The following CACNA2D1 variants were observed in gnomAD, a reference collection of about 807,000 sequenced individuals.
The protein encoded by CACNA2D1 is voltage-dependent calcium channel subunit alpha-2/delta-1.
A neutral mutation model predicts 171.5 loss-of-function variants in CACNA2D1; 53 were observed. The ratio of observed to expected loss-of-function variants is 0.31; its 90% CI spans 0.25 to 0.39. The LOEUF is 0.39. Ranked by LOEUF, CACNA2D1 falls within the 10% of genes least tolerant of loss-of-function variation. The pLI is 1.00. For missense variants in CACNA2D1, 903 were observed against 1,299.8 expected (o/e 0.69, Z 4.69); for synonymous variants, 442 against 443.1 (o/e 1.00, Z 0.03).
At chr7:82,385,703 C>T (rs1011107342) in intron 1 of CACNA2D1, among the ~76,000 whole-genome samples, 2 of 143,970 alleles carry the variant, frequency 1.4e-5, no homozygotes, top group African/African-American at 2.7e-5. Flanking sequence ...CTCTCTCTGT[C>T]GCCCAGGCTG....
At chr7:81,960,147 C>G (rs1793936890) in intron 36 of CACNA2D1, among the ~76,000 whole-genome samples, 1 of 151,938 alleles carries the variant, frequency 6.6e-6, no homozygotes, top group Non-Finnish European at 1.5e-5. Flanking sequence ...TTTACACATA[C>G]AAAGAATTGT....
At chr7:82,030,877 T>C (rs548722472) in intron 12 of CACNA2D1, among the ~76,000 whole-genome samples, 154 of 152,086 alleles carry the variant, frequency 1.0e-3, no homozygotes, top group African/African-American at 3.5e-3. Context: ...AAACTTTTGT[T>C]ATATTTGAGT....
intron 3 of CACNA2D1, among the ~76,000 whole-genome samples, chr7:82,233,130 A>T: frequency 6.6e-6 from 1 of 152,234 alleles, no homozygotes; most frequent in South Asian, 2.1e-4. Context: ...TATAAAGAAG[A>T]ATCACTTCAT....
chr7:82,212,175 T>C (rs76092181), intron 3 of CACNA2D1, among the ~76,000 whole-genome samples: 12,901 of 152,206 alleles, frequency 0.085, 730 homozygotes, highest in Non-Finnish European at 0.11. Context: ...ATCAACACTC[T>C]ATCATCTTGA....
intron 3 of CACNA2D1, among the ~76,000 whole-genome samples, chr7:82,290,579 T>TA (rs113699646): frequency 0.011 from 1,459 of 135,976 alleles, 23 homozygotes; most frequent in African/African-American, 0.035. Context: ...GGTCGTATAT[T>TA]AAAAAAAAAA....
chr7:82,029,986 C>T (rs1005803809), intron 12 of CACNA2D1: 3 of 151,768 alleles, frequency 2.0e-5, no homozygotes, highest in African/African-American at 7.3e-5. Context: ...AACACAGCAT[C>T]AGTATGTTAG....
intron 18 of CACNA2D1, among the ~76,000 whole-genome samples, chr7:82,003,907 G>A (rs985957677): frequency 6.6e-6 from 1 of 151,802 alleles, no homozygotes; most frequent in East Asian, 1.9e-4. Context: ...CACCACACCC[G>A]GCTAATTTTG....
intron 3 of CACNA2D1, among the ~76,000 whole-genome samples, chr7:82,216,291 C>T (rs976972623): frequency 1.3e-5 from 2 of 152,044 alleles, no homozygotes; most frequent in African/African-American, 2.4e-5. Flanking sequence ...AAATTAGAGC[C>T]CACCAAAACA....
At chr7:82,217,360 T>A (rs933956469) in intron 3 of CACNA2D1, among the ~76,000 whole-genome samples, 36 of 109,506 alleles carry the variant, frequency 3.3e-4, no homozygotes, top group Non-Finnish European at 4.3e-4. Flanking sequence ...AAAAAAAAAA[T>A]ATATATATAC....
intron 6 of CACNA2D1, among the ~76,000 whole-genome samples, chr7:82,098,078 C>T (rs1174169323): frequency 4.6e-5 from 7 of 151,862 alleles, no homozygotes; most frequent in Non-Finnish European, 8.8e-5. Flanking sequence ...TGCAATGAGC[C>T]GAGATTGCAC....
intron 3 of CACNA2D1, among the ~76,000 whole-genome samples, chr7:82,248,699 T>G (rs1563256630): frequency 6.6e-6 from 1 of 152,142 alleles, no homozygotes; most frequent in Non-Finnish European, 1.5e-5. Flanking sequence ...AACAGAGCAT[T>G]GATGCAGTAG....
chr7:81,957,057 A>T (rs1007597823), intron 38 of CACNA2D1, among the ~76,000 whole-genome samples: 2 of 152,164 alleles, frequency 1.3e-5, no homozygotes, highest in African/African-American at 2.4e-5. Flanking sequence ...TATTTAAGTC[A>T]GATTTATTTT....
intron 3 of CACNA2D1, among the ~76,000 whole-genome samples, chr7:82,177,832 G>T (rs1317627372): frequency 1.3e-5 from 2 of 152,038 alleles, no homozygotes; most frequent in Admixed American, 1.3e-4. Flanking sequence ...TGTGCTATAG[G>T]TTAGCAAGCC....
intron 5 of CACNA2D1, among the ~76,000 whole-genome samples, chr7:82,135,659 AT>A (rs1337157081): frequency 1.3e-5 from 2 of 152,106 alleles, no homozygotes; most frequent in Non-Finnish European, 2.9e-5. Context: ...TTATCAAGCC[AT>A]TATGTGTTTT....
chr7:82,312,008 G>C (rs1037023359), intron 3 of CACNA2D1, among the ~76,000 whole-genome samples: 1 of 152,056 alleles, frequency 6.6e-6, no homozygotes, highest in Non-Finnish European at 1.5e-5. Context: ...TGGTATTATA[G>C]ACACAGTCTT....
intron 5 of CACNA2D1, among the ~76,000 whole-genome samples, chr7:82,130,791 C>CTTTTTTT (rs71093363): frequency 5.7e-5 from 6 of 105,858 alleles, no homozygotes; most frequent in African/African-American, 8.1e-5. Context: ...TTGTTTTTGT[C>CTTTTTTT]TTTTTTTTTT....
At chr7:82,088,923 T>G (rs1002276776) in intron 6 of CACNA2D1, among the ~76,000 whole-genome samples, 3 of 151,842 alleles carry the variant, frequency 2.0e-5, no homozygotes, top group Non-Finnish European at 4.4e-5. Context: ...ATAAGGAGCA[T>G]GGAACCTAGA....
rs573960961 is a variant in CACNA2D1, at chr7:82,101,508, A to G, written c.526+15536T>C. ...AAGTAAAATTTCCAATATATTTTAAAGTATACTTTATTGATAAATTGAAAA... is the reference window on the plus strand; with the variant it reads ...AAGTAAAATTTCCAATATATTTTAAGGTATACTTTATTGATAAATTGAAAA... On this transcript the variant is annotated intron_variant, in intron 6 of 38. Transcript: ENST00000356860. 3.0e-3 allele frequency among the ~76,000 whole-genome samples: 464 copies of G among 152,336 alleles called. 1 individual carries two copies. The highest frequency in any genetic ancestry group is 5.8e-3 in the Non-Finnish European group (395 of 68,026).
chr7:81,973,128 C>A (rs1313758167), intron 25 of CACNA2D1, among the ~76,000 whole-genome samples: 4 of 151,940 alleles, frequency 2.6e-5, no homozygotes, highest in Non-Finnish European at 4.4e-5. Context: ...TTCTGATAAA[C>A]TCATTTTTGC....
Sources: allele counts gnomAD v4.1 joint callset (sites outside exome capture counted in the v4.1 genomes callset), GRCh38; gene constraint gnomAD v4.1.1; transcripts MANE v1.5; gene names NCBI Gene and HGNC (gene_info 2026-07-23, HGNC 2026-07-21).